Variants in CNBD1 observed in about 807,000 individuals in gnomAD.
CNBD1 encodes cyclic nucleotide-binding domain-containing protein 1.
In CNBD1, 71 loss-of-function variants were observed where a neutral mutation model predicts 54.4. The ratio of observed to expected loss-of-function variants is 1.30; its 90% CI spans 1.08 to 1.59. The LOEUF (loss-of-function observed/expected upper bound fraction) is 1.59. Ranked by LOEUF, CNBD1 falls within the 40% of genes most tolerant of loss-of-function variation. The pLI is 0.00. For missense variants in CNBD1, 659 were observed against 518.0 expected (o/e 1.27, Z -2.64); for synonymous variants, 182 against 170.7 (o/e 1.07, Z -0.51).
intron 4 of CNBD1, among the ~76,000 whole-genome samples, chr8:87,130,221 A>G (rs928789646): frequency 6.6e-6 from 1 of 152,196 alleles, no homozygotes; most frequent in East Asian, 1.9e-4. Context: ...TCTTAGCTAC[A>G]TTATTATTCT....
intron 4 of CNBD1, among the ~76,000 whole-genome samples, chr8:87,097,991 CTTTGCATA>C (rs1563467715): frequency 6.6e-6 from 1 of 152,120 alleles, no homozygotes; most frequent in Non-Finnish European, 1.5e-5. Context: ...TTATGCTTCC[CTTTGCATA>C]TTTGCTATAG....
intron 4 of CNBD1, among the ~76,000 whole-genome samples, chr8:87,147,252 A>G (rs1320745842): frequency 6.6e-6 from 1 of 152,038 alleles, no homozygotes; most frequent in African/African-American, 2.4e-5. Flanking sequence ...ATATCTCTCT[A>G]TCATCTATGT....
At chr8:87,082,998 T>C (rs1470190070) in intron 4 of CNBD1, among the ~76,000 whole-genome samples, 1 of 152,218 alleles carries the variant, frequency 6.6e-6, no homozygotes, top group Non-Finnish European at 1.5e-5. Context: ...ATGTTGTGTT[T>C]GAAAACTAAG....
intron 4 of CNBD1, among the ~76,000 whole-genome samples, chr8:87,196,141 C>G (rs192014835): frequency 2.7e-4 from 41 of 152,260 alleles, no homozygotes; most frequent in Admixed American, 7.2e-4. Flanking sequence ...TGGAGTAACT[C>G]TGGAAGACTA....
chr8:87,161,984 G>T (rs1812867798), intron 4 of CNBD1, among the ~76,000 whole-genome samples: 1 of 151,908 alleles, frequency 6.6e-6, no homozygotes, highest in African/African-American at 2.4e-5. Context: ...ATGATAATAC[G>T]ATTTCATTAG....
chr8:87,229,263 T>C (rs1426156921), intron 5 of CNBD1, among the ~76,000 whole-genome samples: 1 of 152,158 alleles, frequency 6.6e-6, no homozygotes, highest in African/African-American at 2.4e-5. Context: ...TTCGGCCATC[T>C]TGGCTCCTCC....
At position 87,263,533 on chromosome 8, in the gene CNBD1, A is replaced by C. The variant is rs573208017; in HGVS notation, c.772-21145A>C. On this transcript the variant is annotated intron_variant, in intron 6 of 10. Coordinates refer to ENST00000518476, the MANE Select transcript of CNBD1 (RefSeq NM_173538.3). ...CACAAACAAAATTGTTTTCAGTAAA[A>C]TTAGGTAAGTAATTGTTTTTTTCAA... is the stretch of plus-strand genomic sequence containing the variant. Among the ~76,000 whole-genome samples the C allele has an allele frequency of 5.9e-5, 9 of 152,022 alleles. No individual in the cohort carries two copies. In the East Asian group the frequency reaches 1.5e-3, roughly 26 times the overall value.
At chr8:86,976,972 A>G (rs1808357300) in intron 4 of CNBD1, among the ~76,000 whole-genome samples, 1 of 152,020 alleles carries the variant, frequency 6.6e-6, no homozygotes, top group African/African-American at 2.4e-5. Context: ...CGGCAAACAG[A>G]AACAATTTTA....
chr8:87,389,750 T>C (rs1297342640), intron 2 of CNBD1, among the ~76,000 whole-genome samples: 2 of 151,108 alleles, frequency 1.3e-5, no homozygotes, highest in African/African-American at 4.9e-5. Context: ...GGAAAAAAAC[T>C]AAAGTTCATA....
In CNBD1 at chr8:87,326,596, C is replaced by T. The variant is rs1347450579; in HGVS notation, c.1043-25089C>T. Among the ~76,000 whole-genome samples the T allele has an allele frequency of 7.2e-4, 84 of 115,904 alleles. 7 individuals carry two copies. Among genetic ancestry groups the T allele is most frequent in the African/African-American group, 2.4e-3 (74 of 31,272 alleles). The allele number at this position is 115,904 out of a possible 152,430, so 76.0% of individuals were successfully genotyped here. A position where few individuals can be genotyped will look rare whatever the true frequency, so the allele number is the denominator to read the frequency against. On this transcript the variant is annotated intron_variant, in intron 8 of 10. Coordinates refer to ENST00000518476, the MANE Select transcript of CNBD1 (RefSeq NM_173538.3). ...TACCCTTTCTTCCAGTTGATCGCATCGGCTCCTGAGGCTTCTGCATTCTTC... is the reference window on the plus strand; with the variant it reads ...TACCCTTTCTTCCAGTTGATCGCATTGGCTCCTGAGGCTTCTGCATTCTTC...
At chr8:87,008,245 C>A (rs780894950) in intron 4 of CNBD1, among the ~76,000 whole-genome samples, 1 of 152,086 alleles carries the variant, frequency 6.6e-6, no homozygotes, top group African/African-American at 2.4e-5. Context: ...TTGTTTTTAA[C>A]GTAATCTTTA....
chr8:87,249,537 A>G (rs1030324153), intron 6 of CNBD1, among the ~76,000 whole-genome samples: 4 of 152,086 alleles, frequency 2.6e-5, no homozygotes, highest in Admixed American at 2.6e-4. Context: ...TTTCCATCCC[A>G]TTGGCTAGAC....
intron 4 of CNBD1, among the ~76,000 whole-genome samples, chr8:87,181,906 A>T (rs1262059576): frequency 6.6e-6 from 1 of 151,752 alleles, no homozygotes; most frequent in Non-Finnish European, 1.5e-5. Flanking sequence ...CTCAACTTTT[A>T]TTTCAGATTC....
chr8:87,007,306 T>C (rs1412480600), intron 4 of CNBD1, among the ~76,000 whole-genome samples: 1 of 152,198 alleles, frequency 6.6e-6, no homozygotes, highest in African/African-American at 2.4e-5. Flanking sequence ...ATTAATCTCA[T>C]TGGAGATTTG....
chr8:87,255,696 A>C (rs1331992380), intron 6 of CNBD1, among the ~76,000 whole-genome samples: 1 of 151,686 alleles, frequency 6.6e-6, no homozygotes, highest in African/African-American at 2.4e-5. Context: ...CAGCTGACAC[A>C]TTAGAGCCAA....
chr8:87,220,789 T>C (rs1190508906), intron 5 of CNBD1, among the ~76,000 whole-genome samples: 1 of 152,074 alleles, frequency 6.6e-6, no homozygotes, highest in Non-Finnish European at 1.5e-5. Flanking sequence ...CTTTTACTTG[T>C]ATTTTGGATT....
chr8:86,957,896 T>C (rs1807820287), intron 4 of CNBD1, among the ~76,000 whole-genome samples: 1 of 152,200 alleles, frequency 6.6e-6, no homozygotes, highest in African/African-American at 2.4e-5. Flanking sequence ...TGCCCTTGCT[T>C]CTCTAGTTCT....
intron 4 of CNBD1, among the ~76,000 whole-genome samples, chr8:87,103,694 T>G (rs1363632971): frequency 6.6e-6 from 1 of 152,196 alleles, no homozygotes; most frequent in African/African-American, 2.4e-5. Flanking sequence ...ATCCCATGAT[T>G]CAGTTACTTC....
chr8:87,179,707 A>G lies in CNBD1; in HGVS notation c.432-26286A>G, dbSNP rs941871933. On this transcript the variant is annotated intron_variant, in intron 4 of 10. Coordinates refer to ENST00000518476, the MANE Select transcript of CNBD1 (RefSeq NM_173538.3). ...CTCCTTATATTGGAGTTGTCCTTTTACACTGAAGGTGCAATATAGAGTTTA... is the reference window on the plus strand; with the variant it reads ...CTCCTTATATTGGAGTTGTCCTTTTGCACTGAAGGTGCAATATAGAGTTTA... 2.0e-4 allele frequency among the ~76,000 whole-genome samples: 31 copies of G among 152,218 alleles called. 2 individuals carry two copies. Among genetic ancestry groups the G allele is most frequent in the Admixed American group, 1.6e-3 (24 of 15,278 alleles).
Sources: gnomAD v4.1 joint callset for allele counts (sites outside exome capture counted in the v4.1 genomes callset) on GRCh38, gnomAD v4.1.1 for gene constraint, MANE v1.5 for transcripts, NCBI Gene and HGNC (gene_info 2026-07-23, HGNC 2026-07-21) for gene names.